The following EFL1 variants were observed in gnomAD, a reference collection of about 807,000 sequenced individuals.
EFL1 encodes the protein elongation factor-like GTPase 1.
EFL1 carries 76 observed loss-of-function variants against 126.7 expected under a neutral mutation model. The observed-to-expected ratio is 0.60, with a 90% CI of 0.50 to 0.73. EFL1 has a LOEUF of 0.73. Among genes scored for constraint, EFL1 ranks in the 30% least tolerant of loss-of-function variants. The pLI, the probability that EFL1 is intolerant of heterozygous loss-of-function variation, is 0.00. For missense variants in EFL1, 1,128 were observed against 1,343.2 expected (o/e 0.84, Z 2.50); for synonymous variants, 410 against 448.4 (o/e 0.91, Z 1.08).
At chr15:82,216,097 CATAA>C (rs1373298622) in intron 14 of EFL1, among the ~76,000 whole-genome samples, 1 of 151,962 alleles carries the variant, frequency 6.6e-6, no homozygotes, top group Non-Finnish European at 1.5e-5. Flanking sequence ...ATAGAAAATG[CATAA>C]ATAGAATAGC....
intron 15 of EFL1, among the ~76,000 whole-genome samples, chr15:82,206,287 CAT>C (rs770408113): frequency 6.6e-6 from 1 of 151,564 alleles, no homozygotes; most frequent in Non-Finnish European, 1.5e-5. Flanking sequence ...AAAGATGATA[CAT>C]AATATATTAG....
chr15:82,169,942 G>A (rs181798690), intron 15 of EFL1, among the ~76,000 whole-genome samples: 88 of 152,244 alleles, frequency 5.8e-4, no homozygotes, highest in Admixed American at 4.9e-3. Context: ...ACGATACAAT[G>A]TGACACATCT....
chr15:82,172,429 C>T (rs2074146256), intron 15 of EFL1, among the ~76,000 whole-genome samples: 1 of 152,082 alleles, frequency 6.6e-6, no homozygotes, highest in African/African-American at 2.4e-5. Context: ...CTGGTGGGAG[C>T]GTTTCTGATT....
intron 10 of EFL1, 111 bp from the exon 11 acceptor site, chr15:82,227,683 T>C: frequency 1.4e-6 from 2 of 1,464,560 alleles, no homozygotes; most frequent in South Asian, 1.3e-5. Flanking sequence ...ATACAGAAAA[T>C]GCCTGTGCTA....
chr15:82,211,582 T>A (rs762944952), intron 15 of EFL1, among the ~76,000 whole-genome samples: 642 of 50,364 alleles, frequency 0.013, 16 homozygotes, highest in South Asian at 0.058. Flanking sequence ...ACACACACAC[T>A]AGACACATAC....
intron 15 of EFL1, among the ~76,000 whole-genome samples, chr15:82,165,293 G>A (rs139788447): frequency 2.0e-5 from 3 of 152,102 alleles, no homozygotes; most frequent in East Asian, 1.9e-4. Context: ...GAGAGAGAGC[G>A]AGAGAAACAC....
At chr15:82,137,055 G>C (rs947775718) in intron 19 of EFL1, among the ~76,000 whole-genome samples, 1 of 151,468 alleles carries the variant, frequency 6.6e-6, no homozygotes, top group Non-Finnish European at 1.5e-5. Context: ...CAGACACAAT[G>C]GTGTGCTCTG....
chr15:82,163,994 GAA>G lies in EFL1; in HGVS notation c.1751-12_1751-11del. 1 of 1,613,200 alleles carries G rather than the reference GAA, an allele frequency of 6.2e-7. No individual in the cohort carries two copies. The highest frequency in any genetic ancestry group is 8.5e-7 in the Non-Finnish European group (1 of 1,179,666). Reference sequence around the variant, plus strand: ...TGAAGGCCTCCTATTCCTGTAGGAAGAAAAGATCCATACGGTCAATAAGGGAT... The same window carrying G: ...TGAAGGCCTCCTATTCCTGTAGGAAGAAGATCCATACGGTCAATAAGGGAT... On this transcript the variant is annotated splice_polypyrimidine_tract_variant and intron_variant, in intron 15 of 19. Transcript: ENST00000268206.
chr15:82,163,746 A>C (rs929977091), intron 16 of EFL1, 107 bp downstream of exon 16: 1 of 1,355,310 alleles, frequency 7.4e-7, no homozygotes, highest in Admixed American at 2.6e-5. Flanking sequence ...CTCAATGAAA[A>C]TTCATTATAT....
At chr15:82,154,530 C>G (rs1436498250) in intron 17 of EFL1, among the ~76,000 whole-genome samples, 2 of 151,052 alleles carry the variant, frequency 1.3e-5, no homozygotes, top group African/African-American at 4.9e-5. Context: ...TCATATAGAA[C>G]AGTGCACAAA....
chr15:82,190,546 A>G (rs2074348655), intron 15 of EFL1, among the ~76,000 whole-genome samples: 1 of 152,186 alleles, frequency 6.6e-6, no homozygotes, highest in African/African-American at 2.4e-5. Context: ...GTTGTGCCAG[A>G]TAGTGTGTAA....
intron 3 of EFL1, among the ~76,000 whole-genome samples, chr15:82,256,038 AAT>A (rs1017289330): frequency 2.6e-5 from 4 of 152,262 alleles, no homozygotes; most frequent in African/African-American, 7.2e-5. Flanking sequence ...TCATTTAAAA[AAT>A]AGACAGCCAA....
intron 15 of EFL1, among the ~76,000 whole-genome samples, chr15:82,180,359 C>CAAAAAAAAAAAACAA (rs2074237032): frequency 1.7e-5 from 2 of 120,602 alleles, no homozygotes; most frequent in African/African-American, 3.4e-5. Flanking sequence ...ATTAAACTGG[C>CAAAAAAAAAAAACAA]AAAAAAAAAA....
chr15:82,248,381 C>T (rs2074992267), intron 4 of EFL1, among the ~76,000 whole-genome samples: 1 of 152,144 alleles, frequency 6.6e-6, no homozygotes, highest in Non-Finnish European at 1.5e-5. Flanking sequence ...AGGGAAGCTA[C>T]TGCCTCTGAA....
intron 18 of EFL1, among the ~76,000 whole-genome samples, chr15:82,146,375 T>A (rs2073845963): frequency 6.6e-6 from 1 of 152,292 alleles, no homozygotes; most frequent in South Asian, 2.1e-4. Flanking sequence ...GATCTCTAAA[T>A]ATCCAGACAG....
At chr15:82,200,518 C>A (rs1192420831) in intron 15 of EFL1, among the ~76,000 whole-genome samples, 1 of 152,122 alleles carries the variant, frequency 6.6e-6, no homozygotes, top group African/African-American at 2.4e-5. Context: ...TGGACCATGG[C>A]ACAGAGAAAA....
intron 7 of EFL1, among the ~76,000 whole-genome samples, 184 bp downstream of exon 7, chr15:82,238,123 A>C (rs576010848): frequency 6.6e-6 from 1 of 152,326 alleles, no homozygotes; most frequent in African/African-American, 2.4e-5. Flanking sequence ...ATTGTACTAC[A>C]GTTCTACAAG....
At chr15:82,225,077 T>C (rs1243871202) in intron 12 of EFL1, 88 bp downstream of exon 12, 3 of 940,596 alleles carry the variant, frequency 3.2e-6, no homozygotes, top group East Asian at 5.3e-5. Context: ...AAAAGCATTA[T>C]CCGTGCCCCC....
intron 18 of EFL1, among the ~76,000 whole-genome samples, chr15:82,148,007 G>C (rs1176682536): frequency 3.9e-5 from 6 of 152,174 alleles, no homozygotes; most frequent in Admixed American, 3.9e-4. Flanking sequence ...CAAAATGAGT[G>C]GGACCAGAAG....
Sources: allele counts gnomAD v4.1 joint callset (sites outside exome capture counted in the v4.1 genomes callset), GRCh38; gene constraint gnomAD v4.1.1; transcripts MANE v1.5; gene names NCBI Gene and HGNC (gene_info 2026-07-23, HGNC 2026-07-21).